The following IFI27L1 variants were observed in gnomAD, a reference collection of about 807,000 sequenced individuals.
IFI27L1 encodes interferon alpha inducible protein 27 like 1.
Under a neutral mutation model 9.2 loss-of-function variants are expected in IFI27L1, and 3 were observed. That is an observed-to-expected ratio of 0.32 (90% confidence interval 0.15 to 0.84). IFI27L1 has a LOEUF of 0.84. Among genes scored for constraint, IFI27L1 ranks in the 40% least tolerant of loss-of-function variants. The pLI is 0.56. For synonymous variants in IFI27L1, 53 were observed against 50.0 expected (o/e 1.06, Z -0.26); for missense variants, 133 against 134.2 (o/e 0.99, Z 0.05).
intron 1 of IFI27L1, among the ~76,000 whole-genome samples, chr14:94,083,255 C>T (rs892566491): frequency 2.0e-5 from 3 of 152,194 alleles, no homozygotes; most frequent in Admixed American, 1.3e-4. Context: ...TCGTGAGAAA[C>T]TTGAATGGAT....
At chr14:94,083,990 G>A (rs1213192920) in intron 1 of IFI27L1, among the ~76,000 whole-genome samples, 1 of 152,116 alleles carries the variant, frequency 6.6e-6, no homozygotes, top group East Asian at 1.9e-4. Flanking sequence ...GGGGGAGGGG[G>A]AGATGTCAAC....
chr14:94,096,553 G>T (rs1886673124), intron 1 of IFI27L1, among the ~76,000 whole-genome samples: 1 of 152,066 alleles, frequency 6.6e-6, no homozygotes, highest in South Asian at 2.1e-4. Flanking sequence ...AATTAGCCAG[G>T]TGTGGTCGCA....
At chr14:94,084,289 C>T (rs1886207332) in intron 1 of IFI27L1, among the ~76,000 whole-genome samples, 1 of 152,052 alleles carries the variant, frequency 6.6e-6, no homozygotes, top group African/African-American at 2.4e-5. Flanking sequence ...ATCGCTTGAG[C>T]TCAGGAGTTC....
At position 94,084,265 on chromosome 14, in the gene IFI27L1, G is replaced by A. The variant is rs1886206455; in HGVS notation, c.-52+2816G>A. 1.3e-5 allele frequency among the ~76,000 whole-genome samples: 2 copies of A among 152,180 alleles called. 1 individual carries two copies. The highest frequency in any genetic ancestry group is 1.3e-4 in the Admixed American group (2 of 15,278). ...ACCTGTAATTCCAGCACTTTGGGAG[G>A]CCCAGGCGGGTGGATCGCTTGAGCT... On this transcript the variant is annotated intron_variant, in intron 1 of 4. Coordinates refer to ENST00000555523, the MANE Select transcript of IFI27L1 (RefSeq NM_206949.3).
intron 1 of IFI27L1, among the ~76,000 whole-genome samples, chr14:94,088,636 T>TCTG (rs1886365568): frequency 1.3e-5 from 2 of 151,964 alleles, no homozygotes; most frequent in East Asian, 3.9e-4. Context: ...CAAAACCCAC[T>TCTG]CTGCTTAAGT....
rs1240981280 is a variant in IFI27L1 at position 94,096,969 on chromosome 14, G to A, written c.28+4G>A. ...AAGGAGAGTGGATGGGACTCAGGTG[G>A]GTACTGCACATGATTCTGGGGGCTG... On this transcript the variant is annotated splice_donor_region_variant and intron_variant, in intron 2 of 4. Coordinates refer to ENST00000555523, the MANE Select transcript of IFI27L1 (RefSeq NM_206949.3). 2 of 1,611,530 alleles carry A rather than the reference G, an allele frequency of 1.2e-6. No homozygotes were observed. Among genetic ancestry groups the A allele is most frequent in the African/African-American group, 1.3e-5 (1 of 74,834 alleles).
intron 1 of IFI27L1, among the ~76,000 whole-genome samples, chr14:94,089,521 G>A (rs920081381): frequency 1.1e-4 from 16 of 152,154 alleles, no homozygotes; most frequent in Admixed American, 5.2e-4. Context: ...TCTCATCACC[G>A]TCTTGGTTTT....
chr14:94,101,647 C>T (rs1343204738), intron 3 of IFI27L1, among the ~76,000 whole-genome samples, 167 bp from the exon 4 acceptor site: 1 of 152,232 alleles, frequency 6.6e-6, no homozygotes, highest in African/African-American at 2.4e-5. Flanking sequence ...GGGAGCCGGT[C>T]CACTGGCTGC....
chr14:94,082,120 T>G (rs568378848), intron 1 of IFI27L1, among the ~76,000 whole-genome samples: 1 of 152,348 alleles, frequency 6.6e-6, no homozygotes, highest in African/African-American at 2.4e-5. Flanking sequence ...AATGAACACA[T>G]GAATGATATG....
At chr14:94,091,801 G>A (rs1886484798) in intron 1 of IFI27L1, among the ~76,000 whole-genome samples, 1 of 151,846 alleles carries the variant, frequency 6.6e-6, no homozygotes, top group Non-Finnish European at 1.5e-5. Flanking sequence ...TATTCAAAAG[G>A]CAAACAAAAA....
intron 1 of IFI27L1, among the ~76,000 whole-genome samples, chr14:94,093,335 T>G (rs1473579490): frequency 2.0e-5 from 3 of 148,934 alleles, no homozygotes; most frequent in Non-Finnish European, 4.5e-5. Flanking sequence ...CCCGGCTAAT[T>G]TTTTTTTTTG....
chr14:94,093,995 G>T (rs1263905366), intron 1 of IFI27L1, among the ~76,000 whole-genome samples: 1 of 152,072 alleles, frequency 6.6e-6, no homozygotes, highest in Non-Finnish European at 1.5e-5. Flanking sequence ...CTCTGCTTGG[G>T]ATATCCTCTA....
chr14:94,100,145 T>C (rs1886838071), intron 2 of IFI27L1: 1 of 301,872 alleles, frequency 3.3e-6, no homozygotes, highest in African/African-American at 2.3e-5. Flanking sequence ...GTCATCTGAG[T>C]AGGGATTGAT....
chr14:94,097,079 A>G lies in IFI27L1; in HGVS notation c.28+114A>G. 3 of 733,016 alleles carry G rather than the reference A, an allele frequency of 4.1e-6. No homozygotes were observed. The East Asian group carries it at 9.2e-5, about 23-fold the overall frequency. 45.4% of individuals were successfully genotyped at this position (733,016 alleles called of 1,614,324 possible). The stretch of plus-strand genomic sequence containing the variant: ...ACCCCAAATAACAGAGAGGGAGGCT[A>G]TCCATGGAAAAGAATTATTCAGGAA... On this transcript the variant is annotated intron_variant, in intron 2 of 4. Transcript: ENST00000555523.
intron 1 of IFI27L1, among the ~76,000 whole-genome samples, chr14:94,084,268 C>T (rs992228976): frequency 3.9e-5 from 6 of 151,944 alleles, no homozygotes; most frequent in African/African-American, 1.5e-4. Context: ...TTGGGAGGCC[C>T]AGGCGGGTGG....
At chr14:94,095,120 G>A (rs757752472) in intron 1 of IFI27L1, among the ~76,000 whole-genome samples, 5 of 152,098 alleles carry the variant, frequency 3.3e-5, no homozygotes, top group East Asian at 1.9e-4. Context: ...CTGCAGCCTC[G>A]ACTTCCTAGG....
At chr14:94,086,292 C>T (rs752005921) in intron 1 of IFI27L1, among the ~76,000 whole-genome samples, 3 of 152,204 alleles carry the variant, frequency 2.0e-5, no homozygotes, top group Non-Finnish European at 4.4e-5. Flanking sequence ...AGAAGCTGAG[C>T]AGATGTCAGC....
At chr14:94,100,220 C>T (rs1886841199) in intron 2 of IFI27L1, 3 of 963,896 alleles carry the variant, frequency 3.1e-6, no homozygotes, top group South Asian at 9.6e-5. Context: ...GAGCTAAAAG[C>T]TTCAAGAAAT....
intron 3 of IFI27L1, 101 bp downstream of exon 3, chr14:94,100,872 A>G: frequency 7.7e-7 from 1 of 1,298,032 alleles, no homozygotes; most frequent in Non-Finnish European, 1.1e-6. Flanking sequence ...GGATTCTCCA[A>G]GACATAGCTG....
Sources: gnomAD v4.1 joint callset for allele counts (sites outside exome capture counted in the v4.1 genomes callset) on GRCh38, gnomAD v4.1.1 for gene constraint, MANE v1.5 for transcripts, NCBI Gene and HGNC (gene_info 2026-07-23, HGNC 2026-07-21) for gene names.